The following RAPGEF2 variants were observed in gnomAD, a reference collection of about 807,000 sequenced individuals.
The protein encoded by RAPGEF2 is PDZ domain containing guanine nucleotide exchange factor (GEF) 1.
A neutral mutation model predicts 186.7 loss-of-function variants in RAPGEF2; 54 were observed. The ratio of observed to expected loss-of-function variants is 0.29; its 90% CI spans 0.23 to 0.36. RAPGEF2 has a LOEUF of 0.36. Among genes scored for constraint, RAPGEF2 ranks in the 10% least tolerant of loss-of-function variants. RAPGEF2 has a pLI of 1.00. For missense variants in RAPGEF2, 1,532 were observed against 2,045.0 expected (o/e 0.75, Z 4.84); for synonymous variants, 712 against 705.9 (o/e 1.01, Z -0.14).
chr4:159,314,768 G>A lies in RAPGEF2; in HGVS notation c.853G>A (p.Glu285Lys). ...AATTGACCGGACAGATGATGACATT[G>A]GTAAGCTTGAACAGGAAAATGAATC... ...DPIDRTDDDIEQLLEFMHQLP... is the reference protein window; with the variant it reads ...DPIDRTDDDIKQLLEFMHQLP... Residue 285 changes from glutamate (E) to lysine (K), a missense_variant and splice_region_variant, in exon 9 of 30, where the codon GAA becomes AAA. Glu to Lys is a moderately conservative substitution (Grantham distance 56, BLOSUM62 1). This residue lies in a region of RAPGEF2 where 810 missense variants were observed against 1,210.5 expected (regional missense o/e 0.67). Coordinates refer to ENST00000691494, the MANE Select transcript of RAPGEF2 (RefSeq NM_001394067.2). 6.3e-7 allele frequency: 1 copy of A among 1,584,932 alleles called. No homozygotes were observed. Among genetic ancestry groups the A allele is most frequent in the Non-Finnish European group, 8.6e-7 (1 of 1,169,312 alleles).
At chr4:159,135,054 T>C (rs76647083) in intron 1 of RAPGEF2, among the ~76,000 whole-genome samples, 3,671 of 152,298 alleles carry the variant, frequency 0.024, 140 homozygotes, top group African/African-American at 0.083. Context: ...TTTTTCCTTT[T>C]GTTTTTGAGA....
At chr4:159,236,257 A>G (rs1457067776) in intron 4 of RAPGEF2, among the ~76,000 whole-genome samples, 4 of 152,192 alleles carry the variant, frequency 2.6e-5, no homozygotes, top group Admixed American at 6.5e-5. Context: ...TCTGAAAAAC[A>G]CTTATGGAAA....
Position 159,358,743 on chromosome 4 carries a change from AT to A in RAPGEF2, c.*608del, listed in dbSNP as rs1040010100. On this transcript the variant is annotated 3_prime_UTR_variant, in exon 30 of 30. Coordinates refer to ENST00000691494, the MANE Select transcript of RAPGEF2 (RefSeq NM_001394067.2). ...ATATCCATTTAATGATTACAGTATT[AT>A]TTTAAACCTTAAGTAGGGTTGCCAG... 1 of 152,156 alleles carries A rather than the reference AT, an allele frequency of 6.6e-6. No individual in the cohort carries two copies. The highest frequency in any genetic ancestry group is 2.4e-5 in the African/African-American group (1 of 41,426). 9.4% of individuals were successfully genotyped at this position (152,156 alleles called of 1,614,324 possible).
At chr4:159,137,254 T>G (rs1232715384) in intron 1 of RAPGEF2, among the ~76,000 whole-genome samples, 1 of 152,198 alleles carries the variant, frequency 6.6e-6, no homozygotes, top group Non-Finnish European at 1.5e-5. Flanking sequence ...AGTCCAAGAT[T>G]AAGGTTCTGG....
chr4:159,252,716 A>T (rs1288768550), intron 7 of RAPGEF2, among the ~76,000 whole-genome samples: 1 of 152,216 alleles, frequency 6.6e-6, no homozygotes, highest in Non-Finnish European at 1.5e-5. Context: ...AGGACAGTTG[A>T]TAACTGCATT....
chr4:159,141,461 C>A (rs1297910239), intron 1 of RAPGEF2, among the ~76,000 whole-genome samples: 1 of 152,012 alleles, frequency 6.6e-6, no homozygotes, highest in Admixed American at 6.6e-5. Context: ...ATTCCATGTC[C>A]CCTTACACAT....
At chr4:159,148,145 CAA>C (rs1326757173) in intron 1 of RAPGEF2, among the ~76,000 whole-genome samples, 2 of 152,008 alleles carry the variant, frequency 1.3e-5, no homozygotes, top group African/African-American at 2.4e-5. Flanking sequence ...AGATCTATAT[CAA>C]AAATTATTAC....
Position 159,331,556 on chromosome 4 carries a change from T to C in RAPGEF2, c.1575+18T>C. ...AAAGAGAGGTAATATTTGTGGTTTT[T>C]TTTAAGATCAGCTTAAAGTTCATTT... On this transcript the variant is annotated intron_variant, in intron 14 of 29. Coordinates refer to ENST00000691494, the MANE Select transcript of RAPGEF2 (RefSeq NM_001394067.2). The C allele has an allele frequency of 6.2e-7, 1 of 1,611,420 alleles. No individual in the cohort carries two copies. The highest frequency in any genetic ancestry group is 8.5e-7 in the Non-Finnish European group (1 of 1,177,796).
chr4:159,126,275 A>G (rs1217448509), intron 1 of RAPGEF2, among the ~76,000 whole-genome samples: 1 of 152,160 alleles, frequency 6.6e-6, no homozygotes, highest in East Asian at 1.9e-4. Context: ...AATTTTCAGG[A>G]AAACACCTAT....
intron 1 of RAPGEF2, among the ~76,000 whole-genome samples, chr4:159,170,867 A>G (rs1176957317): frequency 6.6e-6 from 1 of 151,906 alleles, no homozygotes; most frequent in African/African-American, 2.4e-5. Context: ...TTTTGAGTTT[A>G]TTTTGTGTAT....
At chr4:159,324,410 A>G (rs914303985) in intron 11 of RAPGEF2, among the ~76,000 whole-genome samples, 16 of 152,218 alleles carry the variant, frequency 1.1e-4, no homozygotes, top group African/African-American at 3.9e-4. Flanking sequence ...TTTTACTTGA[A>G]CTGCACGTAA....
intron 9 of RAPGEF2, among the ~76,000 whole-genome samples, chr4:159,316,105 C>T (rs778439634): frequency 6.6e-6 from 1 of 152,216 alleles, no homozygotes; most frequent in Non-Finnish European, 1.5e-5. Context: ...GCTGACGTTA[C>T]TGCTAGACCA....
At chr4:159,304,675 G>A (rs550515486) in intron 8 of RAPGEF2, among the ~76,000 whole-genome samples, 5 of 152,130 alleles carry the variant, frequency 3.3e-5, no homozygotes, top group East Asian at 1.9e-4. Flanking sequence ...CTGCTATGAC[G>A]AGTTATCAAA....
At chr4:159,320,124 C>G (rs1318988860) in intron 9 of RAPGEF2, among the ~76,000 whole-genome samples, 1 of 152,104 alleles carries the variant, frequency 6.6e-6, no homozygotes, top group African/African-American at 2.4e-5. Context: ...GTAATAGTAT[C>G]ATAGTTTATG....
intron 1 of RAPGEF2, among the ~76,000 whole-genome samples, chr4:159,150,369 A>G (rs181655236): frequency 7.2e-5 from 11 of 152,294 alleles, no homozygotes; most frequent in East Asian, 5.8e-4. Flanking sequence ...CGGTTGATTC[A>G]TCAACATTAA....
At chr4:159,220,909 T>C (rs1348225304) in intron 4 of RAPGEF2, among the ~76,000 whole-genome samples, 1 of 152,204 alleles carries the variant, frequency 6.6e-6, no homozygotes. Flanking sequence ...GATAACATAT[T>C]CCCTTTTAGA....
chr4:159,260,969 C>T (rs994476816), intron 7 of RAPGEF2, among the ~76,000 whole-genome samples: 1 of 152,148 alleles, frequency 6.6e-6, no homozygotes, highest in Admixed American at 6.5e-5. Context: ...AGGCTGGTCT[C>T]GAACTCCTGA....
intron 25 of RAPGEF2, among the ~76,000 whole-genome samples, chr4:159,348,286 A>ATGGATGGATGGATG (rs1561330238): frequency 3.7e-5 from 5 of 136,254 alleles, no homozygotes; most frequent in African/African-American, 1.4e-4. Flanking sequence ...ATGGATGGAT[A>ATGGATGGATGGATG]GATAGATAAA....
chr4:159,351,083 C>T, intron 26 of RAPGEF2: 2 of 1,533,950 alleles, frequency 1.3e-6, no homozygotes, highest in East Asian at 2.4e-5. Flanking sequence ...CAGCTGAGAT[C>T]TTTTGGCTCC....
Sources: allele counts gnomAD v4.1 joint callset (sites outside exome capture counted in the v4.1 genomes callset), GRCh38; gene constraint gnomAD v4.1.1; regional missense constraint gnomAD v4.1.1; transcripts MANE v1.5; gene names NCBI Gene and HGNC (gene_info 2026-07-23, HGNC 2026-07-21).